WDR49: variants seen among roughly 807,000 people sequenced by gnomAD.
WDR49 encodes the protein WD repeat domain 49.
WDR49 carries 107 observed loss-of-function variants against 119.5 expected under a neutral mutation model. The observed-to-expected ratio is 0.90, with a 90% CI of 0.77 to 1.05. The LOEUF is 1.05. Among genes scored for constraint, WDR49 ranks in the 50% least tolerant of loss-of-function variants. The probability of loss-of-function intolerance (pLI) is 0.00; values close to 1 mark genes in which losing one functional copy is unlikely to be tolerated. For synonymous variants in WDR49, 425 were observed against 418.8 expected (o/e 1.01, Z -0.18); for missense variants, 1,240 against 1,220.5 (o/e 1.02, Z -0.24).
chr3:167,509,574 A>AG (rs1422100561), intron 16 of WDR49, among the ~76,000 whole-genome samples: 3 of 152,220 alleles, frequency 2.0e-5, no homozygotes, highest in African/African-American at 7.2e-5. Context: ...GTTCGAAGGC[A>AG]GGAAAGCAAC....
chr3:167,598,223 C>T (rs891120252), intron 7 of WDR49, among the ~76,000 whole-genome samples: 5 of 151,388 alleles, frequency 3.3e-5, no homozygotes, highest in East Asian at 2.0e-4. Context: ...GAGAATTGCT[C>T]GAACCTAGGA....
intron 15 of WDR49, 36 bp downstream of exon 15, chr3:167,527,784 G>A (rs771531258): frequency 1.3e-6 from 2 of 1,586,098 alleles, no homozygotes; most frequent in African/African-American, 1.4e-5. Context: ...TAAATGTCAA[G>A]TAAATACTAG....
At chr3:167,656,313 G>T (rs1390883470), upstream of WDR49, among the ~76,000 whole-genome samples, 2 of 152,158 alleles carry the variant, frequency 1.3e-5, no homozygotes, top group Non-Finnish European at 2.9e-5. Flanking sequence ...ACCCTAGTTA[G>T]TAAGTTAATA....
At chr3:167,500,430 G>T in intron 17 of WDR49, 131 bp from the exon 18 acceptor site, 1 of 1,082,268 alleles carries the variant, frequency 9.2e-7, no homozygotes, top group Non-Finnish European at 1.3e-6. Flanking sequence ...AGCTGGTACA[G>T]CTGCAGTGAT....
intron 18 of WDR49, among the ~76,000 whole-genome samples, chr3:167,488,416 G>A (rs78541716): frequency 0.015 from 2,336 of 151,968 alleles, 61 homozygotes; most frequent in African/African-American, 0.054. Context: ...TGAGGGGCAT[G>A]GTTTGCAAAA....
At chr3:167,517,101 A>G (rs1179828034) in intron 16 of WDR49, among the ~76,000 whole-genome samples, 4 of 152,156 alleles carry the variant, frequency 2.6e-5, no homozygotes, top group African/African-American at 7.2e-5. Context: ...AAATAGGAAC[A>G]CTTTTACACT....
intron 16 of WDR49, among the ~76,000 whole-genome samples, chr3:167,512,923 G>A (rs1262577355): frequency 1.3e-5 from 2 of 152,118 alleles, no homozygotes; most frequent in African/African-American, 4.8e-5. Context: ...GAATGAAAAA[G>A]AACAAATGAA....
At chr3:167,534,196 T>C (rs1752944300) in intron 11 of WDR49, among the ~76,000 whole-genome samples, 1 of 150,854 alleles carries the variant, frequency 6.6e-6, no homozygotes, top group African/African-American at 2.4e-5. Flanking sequence ...CTCCACTCCA[T>C]CCAAAAAAAA....
intron 6 of WDR49, among the ~76,000 whole-genome samples, chr3:167,603,850 A>C (rs1389836693): frequency 6.6e-6 from 1 of 152,104 alleles, no homozygotes. Context: ...TCTGAAAGGT[A>C]ATTGAAAAAC....
rs145291868 is a variant in WDR49 at position 167,645,204 on chromosome 3, T to A, written c.165+8057A>T. 7.6e-4 allele frequency among the ~76,000 whole-genome samples: 116 copies of A among 151,916 alleles called. No individual in the cohort carries two copies. In the East Asian group the frequency reaches 8.7e-3, roughly 11 times the overall value. On this transcript the variant is annotated intron_variant, in intron 2 of 18. Coordinates refer to ENST00000682715, the MANE Select transcript of WDR49 (RefSeq NM_001366157.1). ...TTACTTTTATTTATTTAATTTAATTTATTTATTTATTTATTTTTAGTTTTG... is the reference window on the plus strand; with the variant it reads ...TTACTTTTATTTATTTAATTTAATTAATTTATTTATTTATTTTTAGTTTTG...
chr3:167,588,189 T>C (rs1714916223), intron 7 of WDR49, among the ~76,000 whole-genome samples: 1 of 152,176 alleles, frequency 6.6e-6, no homozygotes, highest in African/African-American at 2.4e-5. Context: ...CACAAATAAG[T>C]GAGAACACCT....
chr3:167,498,101 A>G (rs572707771), intron 18 of WDR49, among the ~76,000 whole-genome samples: 3 of 152,164 alleles, frequency 2.0e-5, no homozygotes, highest in Middle Eastern at 3.4e-3. Context: ...CGGTCTCCCA[A>G]TGTGCTGGGA....
At chr3:167,534,365 T>C (rs942841993) in intron 11 of WDR49, among the ~76,000 whole-genome samples, 1 of 152,124 alleles carries the variant, frequency 6.6e-6, no homozygotes, top group African/African-American at 2.4e-5. Flanking sequence ...GAAGAGATTG[T>C]CTACCCACCA....
At chr3:167,655,385 T>C (rs1402693742), upstream of WDR49, among the ~76,000 whole-genome samples, 1 of 152,168 alleles carries the variant, frequency 6.6e-6, no homozygotes, top group East Asian at 1.9e-4. Flanking sequence ...TTGCACTTTA[T>C]TTTCACTTCT....
intron 12 of WDR49, among the ~76,000 whole-genome samples, chr3:167,532,052 C>T (rs956483435): frequency 6.6e-6 from 1 of 152,152 alleles, no homozygotes. Flanking sequence ...GCTCTTAGTA[C>T]ATAAAGCAGG....
chr3:167,541,206 T>TG (rs1017127729), intron 10 of WDR49, among the ~76,000 whole-genome samples: 1 of 152,088 alleles, frequency 6.6e-6, no homozygotes, highest in African/African-American at 2.4e-5. Flanking sequence ...AAAGAACACC[T>TG]GGGAAATTCA....
intron 17 of WDR49, 136 bp from the exon 18 acceptor site, chr3:167,500,435 A>G: frequency 1.0e-6 from 1 of 996,368 alleles, no homozygotes; most frequent in Non-Finnish European, 1.4e-6. Context: ...GTACAGCTGC[A>G]GTGATCTGCA....
chr3:167,584,293 A>G (rs934213648), intron 7 of WDR49, among the ~76,000 whole-genome samples: 1 of 152,136 alleles, frequency 6.6e-6, no homozygotes, highest in African/African-American at 2.4e-5. Flanking sequence ...AAAGCATGCA[A>G]TTTTTATGGA....
intron 18 of WDR49, 35 bp from the exon 19 acceptor site, chr3:167,479,031 T>C: frequency 6.7e-7 from 1 of 1,485,056 alleles, no homozygotes; most frequent in Non-Finnish European, 9.2e-7. Flanking sequence ...AAGTGAATTA[T>C]ATTTGTTAAG....
Sources: allele counts gnomAD v4.1 joint callset (sites outside exome capture counted in the v4.1 genomes callset), GRCh38; gene constraint gnomAD v4.1.1; transcripts MANE v1.5; gene names NCBI Gene and HGNC (gene_info 2026-07-23, HGNC 2026-07-21).